WDR59: variants seen among roughly 807,000 people sequenced by gnomAD.
The protein encoded by WDR59 is WD repeat domain 59.
Under a neutral mutation model 131.2 loss-of-function variants are expected in WDR59, and 100 were observed. The observed-to-expected ratio is 0.76, with a 90% CI of 0.65 to 0.90. The LOEUF (loss-of-function observed/expected upper bound fraction) is 0.90. Among genes scored for constraint, WDR59 ranks in the 40% least tolerant of loss-of-function variants. WDR59 has a pLI of 0.00. For synonymous variants in WDR59, 601 were observed against 466.2 expected (o/e 1.29, Z -3.72); for missense variants, 1,203 against 1,262.2 (o/e 0.95, Z 0.71).
chr16:74,909,383 C>T, intron 16 of WDR59, 118 bp downstream of exon 16: 3 of 1,298,692 alleles, frequency 2.3e-6, no homozygotes, highest in Non-Finnish European at 3.0e-6. Flanking sequence ...ATGAAAGTCT[C>T]GTTTGAGTTC....
intron 8 of WDR59, among the ~76,000 whole-genome samples, chr16:74,937,942 T>C (rs1161842206): frequency 6.6e-6 from 1 of 152,246 alleles, no homozygotes; most frequent in Non-Finnish European, 1.5e-5. Context: ...ACAATGTGGT[T>C]ATGCTGAACA....
At chr16:74,883,469 C>T (rs1346413867) in intron 25 of WDR59, among the ~76,000 whole-genome samples, 1 of 152,198 alleles carries the variant, frequency 6.6e-6, no homozygotes, top group Non-Finnish European at 1.5e-5. Flanking sequence ...AAGCTACCCA[C>T]TTCCCAGATT....
chr16:74,892,523 G>T lies in WDR59; in HGVS notation c.2043C>A (p.Ala681=). 1 of 1,613,722 alleles carries T rather than the reference G, an allele frequency of 6.2e-7. No homozygotes were observed. Among genetic ancestry groups the T allele is most frequent in the Non-Finnish European group, 8.5e-7 (1 of 1,179,892 alleles). Residue 681 remains alanine (A), a synonymous_variant, in exon 20 of 26, where the codon GCC becomes GCA. Transcript: ENST00000262144. The part of the protein sequence containing the change: ...NDIQETCQKN[A]ASALLVGRKD... The stretch of plus-strand genomic sequence containing the variant: ...TTCTTCCAACGAGCAAGGCAGAGGC[G>T]GCATTCTTCTGACATGTTTCCTGAA...
intron 13 of WDR59, among the ~76,000 whole-genome samples, chr16:74,914,882 G>A (rs776136006): frequency 1.3e-5 from 2 of 152,210 alleles, no homozygotes; most frequent in Admixed American, 6.5e-5. Context: ...GTGAGCTACC[G>A]CACCTGGCCA....
chr16:74,893,596 G>A, intron 19 of WDR59, 83 bp downstream of exon 19: 1 of 1,445,978 alleles, frequency 6.9e-7, no homozygotes, highest in Non-Finnish European at 9.3e-7. Flanking sequence ...TTTGAAGAAA[G>A]GATTCCCACA....
chr16:74,970,494 CCAAAA>C (rs2033935923), intron 1 of WDR59, among the ~76,000 whole-genome samples: 1 of 103,830 alleles, frequency 9.6e-6, no homozygotes, highest in African/African-American at 3.1e-5. Context: ...GACTCTGTCT[CCAAAA>C]AAAAAAAAAA....
chr16:74,922,577 A>C (rs1233388785), intron 9 of WDR59, among the ~76,000 whole-genome samples: 1 of 152,204 alleles, frequency 6.6e-6, no homozygotes, highest in Non-Finnish European at 1.5e-5. Flanking sequence ...CCCCCCCGGC[A>C]CTGCAACTGC....
At chr16:74,920,438 G>A (rs1416685489) in intron 10 of WDR59, among the ~76,000 whole-genome samples, 1 of 152,032 alleles carries the variant, frequency 6.6e-6, no homozygotes, top group Non-Finnish European at 1.5e-5. Flanking sequence ...GTCTCGATCT[G>A]TCTCCAGGCT....
chr16:74,922,943 T>C (rs1366408181), intron 9 of WDR59, among the ~76,000 whole-genome samples: 1 of 152,176 alleles, frequency 6.6e-6, no homozygotes, highest in African/African-American at 2.4e-5. Context: ...GCTTTATCCA[T>C]CCCTGTGCTA....
rs374815733 is a variant in WDR59, at chr16:74,908,348, C to G, written c.1712+560G>C. Among the ~76,000 whole-genome samples the G allele has an allele frequency of 2.1e-4, 32 of 152,206 alleles. 1 individual carries two copies. The East Asian group carries it at 2.5e-3, about 12-fold the overall frequency. On this transcript the variant is annotated intron_variant, in intron 17 of 25. Transcript: ENST00000262144. ...CAGGAGGATCACTTCAGCCAGAAGG[C>G]AGAGGCTGCTGTAAGCTATGATCAT...
At chr16:74,939,475 T>G (rs2032056208) in intron 7 of WDR59, among the ~76,000 whole-genome samples, 1 of 151,872 alleles carries the variant, frequency 6.6e-6, no homozygotes, top group African/African-American at 2.4e-5. Context: ...ACGAGGATAA[T>G]GCATCTGTTC....
At chr16:74,931,421 G>A (rs1424919232) in intron 8 of WDR59, among the ~76,000 whole-genome samples, 5 of 151,894 alleles carry the variant, frequency 3.3e-5, no homozygotes, top group South Asian at 2.1e-4. Flanking sequence ...ATACAACCTC[G>A]ACCTCTTGGG....
At chr16:74,887,104 G>A (rs1447947222) in intron 23 of WDR59, among the ~76,000 whole-genome samples, 1 of 152,152 alleles carries the variant, frequency 6.6e-6, no homozygotes, top group African/African-American at 2.4e-5. Flanking sequence ...GGATGCAAAT[G>A]TTCTAGAATG....
intron 17 of WDR59, chr16:74,904,414 ATTTTAAAAGCTCATT>A (rs1965702861): frequency 4.2e-6 from 1 of 237,380 alleles, no homozygotes. Flanking sequence ...GAAAATAAAT[ATTTTAAAAGCTCATT>A]TATAGTAGCA....
intron 1 of WDR59, among the ~76,000 whole-genome samples, chr16:74,973,721 T>C (rs905136540): frequency 1.3e-5 from 2 of 152,226 alleles, no homozygotes; most frequent in African/African-American, 4.8e-5. Flanking sequence ...TTGAATGTCA[T>C]GGTGGATTGT....
At chr16:74,926,589 CCTT>C (rs557756056) in intron 8 of WDR59, among the ~76,000 whole-genome samples, 63 of 152,188 alleles carry the variant, frequency 4.1e-4, no homozygotes, top group Admixed American at 3.6e-3. Flanking sequence ...CTCACACTGG[CCTT>C]CTCTGTTTCA....
chr16:74,922,353 C>T (rs558307641), intron 9 of WDR59, among the ~76,000 whole-genome samples: 24 of 152,276 alleles, frequency 1.6e-4, no homozygotes, highest in Admixed American at 1.3e-3. Flanking sequence ...TTTGAAAATT[C>T]TAAAATAAGC....
At chr16:74,981,156 G>A (rs1303286066) in intron 1 of WDR59, among the ~76,000 whole-genome samples, 1 of 151,610 alleles carries the variant, frequency 6.6e-6, no homozygotes, top group Non-Finnish European at 1.5e-5. Context: ...ACAAGGTCAG[G>A]AGATCGAGAC....
At chr16:74,963,169 C>G (rs1268698693) in intron 2 of WDR59, 1 of 152,106 alleles carries the variant, frequency 6.6e-6, no homozygotes, top group East Asian at 1.9e-4. Flanking sequence ...GGCAGAATTG[C>G]TTGAACCCGG....
Sources: allele counts gnomAD v4.1 joint callset (sites outside exome capture counted in the v4.1 genomes callset), GRCh38; gene constraint gnomAD v4.1.1; transcripts MANE v1.5; gene names NCBI Gene and HGNC (gene_info 2026-07-23, HGNC 2026-07-21).